RIMS2: variants seen among roughly 807,000 people sequenced by gnomAD.
RIMS2 encodes the protein regulating synaptic membrane exocytosis 2, also known as regulating synaptic membrane exocytosis protein 2.
Under a neutral mutation model 174.4 loss-of-function variants are expected in RIMS2, and 59 were observed. The ratio of observed to expected loss-of-function variants is 0.34; its 90% CI spans 0.27 to 0.42. The LOEUF (loss-of-function observed/expected upper bound fraction) is 0.42. Ranked by LOEUF, RIMS2 falls within the 10% of genes least tolerant of loss-of-function variation. The pLI, the probability that RIMS2 is intolerant of heterozygous loss-of-function variation, is 1.00. For missense variants in RIMS2, 1,620 were observed against 1,666.3 expected, an observed-to-expected ratio of 0.97 and a Z score of 0.48; for synonymous variants, 606 against 572.5, an observed-to-expected ratio of 1.06 and a Z score of -0.84.
chr8:103,606,994 C>A (rs1010990187), intron 1 of RIMS2, among the ~76,000 whole-genome samples: 1 of 151,776 alleles, frequency 6.6e-6, no homozygotes, highest in Non-Finnish European at 1.5e-5. Context: ...GCATTTAGTC[C>A]ATTTACATTT....
intron 1 of RIMS2, among the ~76,000 whole-genome samples, chr8:103,650,569 A>T (rs2096433563): frequency 6.6e-6 from 1 of 152,246 alleles, no homozygotes; most frequent in Non-Finnish European, 1.5e-5. Flanking sequence ...TTCATCCCTG[A>T]GAAAGATCAA....
At chr8:103,899,795 A>C (rs1019368865) in intron 4 of RIMS2, among the ~76,000 whole-genome samples, 1 of 151,766 alleles carries the variant, frequency 6.6e-6, no homozygotes, top group South Asian at 2.1e-4. Flanking sequence ...GTCCTTGCCC[A>C]TGCCTATGTC....
At chr8:103,961,231 G>C in intron 15 of RIMS2, 98 bp downstream of exon 17, 1 of 701,634 alleles carries the variant, frequency 1.4e-6, no homozygotes, top group Non-Finnish European at 2.5e-6. Flanking sequence ...GATATAACTC[G>C]TCTTCTCACC....
intron 19 of RIMS2, among the ~76,000 whole-genome samples, chr8:104,238,498 A>G (rs2099270673): frequency 6.6e-6 from 1 of 152,092 alleles, no homozygotes; most frequent in African/African-American, 2.4e-5. Context: ...AGGGGAGAGA[A>G]GTCATGTCCA....
chr8:103,681,148 C>T (rs796487444), intron 1 of RIMS2, among the ~76,000 whole-genome samples: 24 of 152,042 alleles, frequency 1.6e-4, no homozygotes, highest in African/African-American at 5.1e-4. Context: ...GTAAAGAGCA[C>T]GAACTCTTGG....
chr8:104,175,520 G>A (rs887041289), intron 19 of RIMS2, among the ~76,000 whole-genome samples: 8 of 151,982 alleles, frequency 5.3e-5, no homozygotes, highest in Admixed American at 1.3e-4. Flanking sequence ...ACTCTGTTGT[G>A]CTAGCAAATA....
chr8:104,026,403 G>C (rs1224053094), intron 19 of RIMS2, among the ~76,000 whole-genome samples: 1 of 152,020 alleles, frequency 6.6e-6, no homozygotes, highest in African/African-American at 2.4e-5. Flanking sequence ...ATTATTGTTT[G>C]TTAATTTTGT....
intron 16 of RIMS2, among the ~76,000 whole-genome samples, chr8:103,986,271 A>T (rs935580355): frequency 1.3e-5 from 2 of 152,204 alleles, no homozygotes; most frequent in African/African-American, 2.4e-5. Flanking sequence ...TTTAGGAAAC[A>T]GTACAGAACA....
chr8:103,928,756 G>T (rs967859151), intron 11 of RIMS2, among the ~76,000 whole-genome samples: 1 of 151,156 alleles, frequency 6.6e-6, no homozygotes, highest in Non-Finnish European at 1.5e-5. Flanking sequence ...ACATGCTAAA[G>T]CCAGAATGAG....
chr8:104,223,499 G>T, intron 19 of RIMS2: 1 of 1,390,796 alleles, frequency 7.2e-7, no homozygotes, highest in Non-Finnish European at 9.3e-7. Flanking sequence ...TCTCCTCCGG[G>T]CTGGGTCAGG....
chr8:103,651,948 CA>C (rs568413820), intron 1 of RIMS2, among the ~76,000 whole-genome samples: 206 of 152,186 alleles, frequency 1.4e-3, no homozygotes, highest in Middle Eastern at 3.4e-3. Context: ...TAAAAATATT[CA>C]GAAAACTTCA....
chr8:104,012,945 A>G (rs1272056753), intron 17 of RIMS2, among the ~76,000 whole-genome samples: 1 of 152,000 alleles, frequency 6.6e-6, no homozygotes, highest in Non-Finnish European at 1.5e-5. Flanking sequence ...CAGTCACCCT[A>G]TTTTCTTATA....
chr8:104,011,021 T>A (rs1035211246), intron 17 of RIMS2, among the ~76,000 whole-genome samples: 1 of 152,154 alleles, frequency 6.6e-6, no homozygotes, highest in Non-Finnish European at 1.5e-5. Flanking sequence ...TATATTCTCA[T>A]CTTAAAATTA....
At chr8:103,588,062 AG>A (rs1478675504) in intron 1 of RIMS2, among the ~76,000 whole-genome samples, 3 of 152,116 alleles carry the variant, frequency 2.0e-5, no homozygotes, top group Non-Finnish European at 4.4e-5. Flanking sequence ...GTAAAGTTAC[AG>A]GATACAAAAG....
intron 3 of RIMS2, among the ~76,000 whole-genome samples, chr8:103,792,225 C>G (rs1026325657): frequency 2.0e-5 from 3 of 152,218 alleles, no homozygotes; most frequent in Non-Finnish European, 2.9e-5. Context: ...AACTGTCTCT[C>G]AGACCACAGT....
Position 103,606,245 on chromosome 8 carries a change from C to T in RIMS2, c.177-90841C>T, listed in dbSNP as rs1398564136. ...CAAAGAACATCTTTATTTCTGCCTT[C>T]ATTTCGTTATGTACCCAGTAGTCAT... On this transcript the variant is annotated intron_variant, in intron 1 of 23. Transcript: ENST00000504942. 6.1e-5 allele frequency among the ~76,000 whole-genome samples: 9 copies of T among 147,032 alleles called. No homozygotes were observed. In the East Asian group the frequency reaches 1.8e-3, roughly 29 times the overall value.
chr8:103,724,354 G>T (rs989427327), intron 2 of RIMS2, among the ~76,000 whole-genome samples: 1 of 151,952 alleles, frequency 6.6e-6, no homozygotes, highest in African/African-American at 2.4e-5. Flanking sequence ...ACTATTCTTT[G>T]CTCATTTGTA....
intron 1 of RIMS2, among the ~76,000 whole-genome samples, chr8:103,539,587 CA>C (rs1246038887): frequency 6.6e-6 from 1 of 152,188 alleles, no homozygotes; most frequent in Non-Finnish European, 1.5e-5. Context: ...TTGAAACCAC[CA>C]TCATCCCCAA....
chr8:103,953,927 A>C (rs1400479476), intron 14 of RIMS2, among the ~76,000 whole-genome samples: 1 of 152,174 alleles, frequency 6.6e-6, no homozygotes, highest in Non-Finnish European at 1.5e-5. Context: ...GCAGATGGAA[A>C]GCAAAAAAAA....
Sources: gnomAD v4.1 joint callset for allele counts (sites outside exome capture counted in the v4.1 genomes callset) on GRCh38, gnomAD v4.1.1 for gene constraint, MANE v1.5 for transcripts, NCBI Gene and HGNC (gene_info 2026-07-23, HGNC 2026-07-21) for gene names.